The following LGR6 variants were observed in gnomAD, a reference collection of about 807,000 sequenced individuals.
LGR6 encodes leucine-rich repeat-containing G protein-coupled receptor 6.
In LGR6, 45 loss-of-function variants were observed where a neutral mutation model predicts 69.4. The ratio of observed to expected loss-of-function variants is 0.65; its 90% confidence interval spans 0.51 to 0.83. The LOEUF (loss-of-function observed/expected upper bound fraction) is 0.83. Ranked by LOEUF, LGR6 falls within the 40% of genes least tolerant of loss-of-function variation. LGR6 has a pLI of 0.00. For synonymous variants in LGR6, 538 were observed against 555.0 expected (o/e 0.97, Z 0.43); for missense variants, 1,108 against 1,246.7 (o/e 0.89, Z 1.68).
chr1:202,194,242 G>A, intron 1 of LGR6, 41 bp downstream of exon 1: 1 of 1,394,696 alleles, frequency 7.2e-7, no homozygotes, highest in Non-Finnish European at 9.6e-7. Context: ...CCTGCGGGCT[G>A]CTGGCTAGCG....
rs761427258 is a variant in LGR6, at chr1:202,194,140, G to T, written c.151G>T (p.Asp51Tyr). 1.3e-6 allele frequency: 2 copies of T among 1,572,702 alleles called. No individual in the cohort carries two copies. Among genetic ancestry groups the T allele is most frequent in the South Asian group, 2.3e-5 (2 of 87,492 alleles). ...CQEDGIMLSA[D>Y]CSELGLSAVP... ...GGAGGACGGCATCATGCTGTCTGCC[G>T]ACTGCTCTGAGCTCGGGCTGTCCGC... Residue 51 changes from aspartate (D) to tyrosine (Y), a missense_variant, in exon 1 of 18, where the codon GAC (aspartate) becomes TAC (tyrosine). Physicochemically the swap from Asp to Tyr is radical, Grantham distance 160. Transcript: ENST00000367278.
intron 4 of LGR6, among the ~76,000 whole-genome samples, chr1:202,252,516 G>A (rs193254913): frequency 3.2e-4 from 48 of 152,326 alleles, no homozygotes; most frequent in African/African-American, 1.1e-3. Flanking sequence ...GGTACCATGG[G>A]TGATTAGTGG....
chr1:202,272,344 C>G (rs1211092452), intron 4 of LGR6, among the ~76,000 whole-genome samples: 2 of 152,220 alleles, frequency 1.3e-5, no homozygotes, highest in Non-Finnish European at 2.9e-5. Flanking sequence ...CTGCTCATCC[C>G]AAACACAAAC....
chr1:202,252,949 CTTAA>C (rs1224596288), intron 4 of LGR6, among the ~76,000 whole-genome samples: 2 of 152,228 alleles, frequency 1.3e-5, no homozygotes, highest in African/African-American at 4.8e-5. Context: ...CACCACACTC[CTTAA>C]TTGAGGGCTT....
intron 1 of LGR6, among the ~76,000 whole-genome samples, chr1:202,203,256 G>T (rs994160101): frequency 2.0e-5 from 3 of 152,136 alleles, no homozygotes; most frequent in African/African-American, 7.2e-5. Flanking sequence ...CCCCCACTAA[G>T]AAGCTTTTAG....
intron 1 of LGR6, among the ~76,000 whole-genome samples, chr1:202,198,434 G>A (rs892441272): frequency 1.3e-5 from 2 of 152,208 alleles, no homozygotes; most frequent in African/African-American, 4.8e-5. Context: ...TGGTCCATGG[G>A]AAGAGCTCGA....
chr1:202,268,711 C>T lies in LGR6; in HGVS notation c.429-7595C>T, dbSNP rs1222865048. ...TGTCTTTGTCCTCAAGGTATCTCAC[C>T]TCCCAGCCTCTTTCTTCCTCTCAAA... is the stretch of plus-strand genomic sequence containing the variant. On this transcript the variant is annotated intron_variant, in intron 4 of 17. Coordinates refer to ENST00000367278, the MANE Select transcript of LGR6 (RefSeq NM_001017403.2). The surrounding 1 kb of genome is among the most constrained non-coding windows in gnomAD (Gnocchi z 4.4). 1.3e-5 allele frequency among the ~76,000 whole-genome samples: 2 copies of T among 152,190 alleles called. No homozygotes were observed. The highest frequency in any genetic ancestry group is 4.8e-5 in the African/African-American group (2 of 41,452).
At chr1:202,284,417 T>TA (rs1317903841) in intron 6 of LGR6, among the ~76,000 whole-genome samples, 1 of 152,078 alleles carries the variant, frequency 6.6e-6, no homozygotes, top group Non-Finnish European at 1.5e-5. Flanking sequence ...CAAATGTAGG[T>TA]ATTTGGGGGT....
chr1:202,222,674 C>A (rs1459757448), intron 1 of LGR6, among the ~76,000 whole-genome samples: 1 of 152,198 alleles, frequency 6.6e-6, no homozygotes, highest in Non-Finnish European at 1.5e-5. Flanking sequence ...GGCCCAGCTT[C>A]TGCGCTTGGG....
chr1:202,302,393 A>G (rs186847735), intron 9 of LGR6, among the ~76,000 whole-genome samples: 267 of 152,210 alleles, frequency 1.8e-3, no homozygotes, highest in African/African-American at 6.1e-3. Context: ...TCTGGACCCC[A>G]CGCTGCCTCC....
chr1:202,210,329 A>C (rs1256173213), intron 1 of LGR6, among the ~76,000 whole-genome samples: 4 of 152,070 alleles, frequency 2.6e-5, no homozygotes, highest in African/African-American at 4.8e-5. Flanking sequence ...AGCCCTCTGC[A>C]CATGGATGCT....
intron 4 of LGR6, among the ~76,000 whole-genome samples, chr1:202,250,221 C>T (rs1318331899): frequency 2.0e-5 from 3 of 152,128 alleles, no homozygotes; most frequent in African/African-American, 7.2e-5. Flanking sequence ...TTGAATGTCT[C>T]CTCCTGAAGG....
intron 1 of LGR6, among the ~76,000 whole-genome samples, chr1:202,205,188 C>T (rs1414165621): frequency 4.3e-4 from 1 of 2,348 alleles, no homozygotes; most frequent in Admixed American, 5.7e-3. Context: ...AAACACACAC[C>T]CTCGAAACAC....
At chr1:202,242,604 T>A (rs1662304764) in intron 4 of LGR6, among the ~76,000 whole-genome samples, 1 of 152,212 alleles carries the variant, frequency 6.6e-6, no homozygotes, top group African/African-American at 2.4e-5. Context: ...GGTCTCAGTT[T>A]GCCTTACTGT....
intron 1 of LGR6, among the ~76,000 whole-genome samples, chr1:202,208,792 A>G (rs1403883472): frequency 6.6e-6 from 1 of 152,078 alleles, no homozygotes; most frequent in Non-Finnish European, 1.5e-5. Flanking sequence ...CAAAGGCACC[A>G]TGTTGCGGGG....
chr1:202,267,093 G>A (rs1439898027), intron 4 of LGR6, among the ~76,000 whole-genome samples: 1 of 152,074 alleles, frequency 6.6e-6, no homozygotes, highest in African/African-American at 2.4e-5. Flanking sequence ...TTTAAAATGC[G>A]GTTCCTCAGT....
intron 6 of LGR6, among the ~76,000 whole-genome samples, chr1:202,295,567 G>A (rs1367170123): frequency 6.6e-6 from 1 of 152,140 alleles, no homozygotes; most frequent in African/African-American, 2.4e-5. Context: ...TGGTTTTCTA[G>A]GCATTTTCTG....
Position 202,224,094 on chromosome 1 carries a change from G to A in LGR6, c.213-1329G>A, listed in dbSNP as rs537561706. On this transcript the variant is annotated intron_variant, in intron 1 of 17. Coordinates refer to ENST00000367278, the MANE Select transcript of LGR6 (RefSeq NM_001017403.2). ...GCCCAACGTCTGATAGGTAACTGCA[G>A]AGGAGAGATGTGACCTCAGGGCCTT... 2.0e-5 allele frequency among the ~76,000 whole-genome samples: 3 copies of A among 152,142 alleles called. No homozygotes were observed. The East Asian group carries it at 5.9e-4, about 30-fold the overall frequency.
intron 1 of LGR6, 58 bp downstream of exon 1, chr1:202,194,259 C>T: frequency 7.6e-7 from 1 of 1,307,994 alleles, no homozygotes; most frequent in Non-Finnish European, 1.0e-6. Flanking sequence ...AGCGCCCAGT[C>T]CCGGCCTCAG....
Sources: gnomAD v4.1 joint callset for allele counts (sites outside exome capture counted in the v4.1 genomes callset) on GRCh38, gnomAD v4.1.1 for gene constraint, Gnocchi (gnomAD v3.1) non-coding constraint, MANE v1.5 for transcripts, NCBI Gene and HGNC (gene_info 2026-07-23, HGNC 2026-07-21) for gene names.